The following MAGI3 variants were observed in gnomAD, a reference collection of about 807,000 sequenced individuals.
MAGI3 encodes the protein membrane associated guanylate kinase, WW and PDZ domain containing 3, also known as membrane-associated guanylate kinase, WW and PDZ domain-containing protein 3.
Under a neutral mutation model 121.8 loss-of-function variants are expected in MAGI3, and 43 were observed. The observed-to-expected ratio is 0.35, with a 90% CI of 0.28 to 0.46. The LOEUF is 0.46. MAGI3 is among the 20% of genes least tolerant of loss of function. The probability of loss-of-function intolerance (pLI) is 1.00; values close to 1 mark genes in which losing one functional copy is unlikely to be tolerated. For missense variants in MAGI3, 1,547 were observed against 1,797.3 expected, an observed-to-expected ratio of 0.86 and a Z score of 2.52; for synonymous variants, 553 against 639.3, an observed-to-expected ratio of 0.86 and a Z score of 2.04.
Position 113,447,194 on chromosome 1 carries a change from C to A in MAGI3, c.316+55845C>A, listed in dbSNP as rs183081548. 1.5e-4 allele frequency among the ~76,000 whole-genome samples: 23 copies of A among 152,280 alleles called. No individual in the cohort carries two copies. In the East Asian group the frequency reaches 4.4e-3, roughly 29 times the overall value. ...AACTATGACAGTCTATTTTGTGCTG[C>A]TGTAACAGAAAACCTGAGATTAGGT... is the stretch of plus-strand genomic sequence containing the variant. On this transcript the variant is annotated intron_variant, in intron 1 of 20. Transcript: ENST00000307546.
intron 1 of MAGI3, among the ~76,000 whole-genome samples, chr1:113,514,335 T>C (rs1404443265): frequency 1.3e-5 from 2 of 152,196 alleles, no homozygotes; most frequent in East Asian, 3.9e-4. Flanking sequence ...TGTATGTTTA[T>C]TGCAGCACTA....
intron 20 of MAGI3, chr1:113,682,383 T>C: frequency 6.7e-7 from 1 of 1,489,016 alleles, no homozygotes. Context: ...TACATCTATT[T>C]CTATCTTCTG....
chr1:113,445,249 A>G (rs1390206796), intron 1 of MAGI3, among the ~76,000 whole-genome samples: 1 of 152,148 alleles, frequency 6.6e-6, no homozygotes, highest in African/African-American at 2.4e-5. Context: ...TAAACATCCA[A>G]AAAGTTCAAT....
intron 12 of MAGI3, among the ~76,000 whole-genome samples, chr1:113,647,369 TTGTGTTTTAGA>T (rs1652910690): frequency 6.6e-6 from 1 of 152,104 alleles, no homozygotes; most frequent in Non-Finnish European, 1.5e-5. Flanking sequence ...AGGCATAGTT[TTGTGTTTTAGA>T]AAGGTTTTTC....
intron 1 of MAGI3, among the ~76,000 whole-genome samples, chr1:113,467,117 C>T (rs533085749): frequency 6.6e-6 from 1 of 152,014 alleles, no homozygotes; most frequent in South Asian, 2.1e-4. Flanking sequence ...TTTGTTGTAT[C>T]CCATACGTTT....
chr1:113,589,451 G>A (rs12739970), intron 4 of MAGI3, among the ~76,000 whole-genome samples: 36,575 of 151,856 alleles, frequency 0.24, 4,881 homozygotes, highest in South Asian at 0.39. Context: ...TTCTGATTTA[G>A]CCAGGCAGTA....
chr1:113,421,417 T>G (rs1570651287), intron 1 of MAGI3, among the ~76,000 whole-genome samples: 1 of 152,332 alleles, frequency 6.6e-6, no homozygotes, highest in African/African-American at 2.4e-5. Context: ...CATCTAACTC[T>G]CTGCTTTAAA....
chr1:113,526,608 T>A (rs1255096932), intron 1 of MAGI3, among the ~76,000 whole-genome samples: 1 of 152,196 alleles, frequency 6.6e-6, no homozygotes, highest in Non-Finnish European at 1.5e-5. Flanking sequence ...ATTTGAAGGC[T>A]ACTCTTAGCT....
At chr1:113,493,132 T>C (rs1656747088) in intron 1 of MAGI3, among the ~76,000 whole-genome samples, 1 of 152,154 alleles carries the variant, frequency 6.6e-6, no homozygotes, top group South Asian at 2.1e-4. Flanking sequence ...GCTACCTGAC[T>C]TAAAACCGTA....
intron 9 of MAGI3, among the ~76,000 whole-genome samples, chr1:113,635,042 A>G (rs912102956): frequency 1.3e-5 from 2 of 151,962 alleles, no homozygotes; most frequent in African/African-American, 2.4e-5. Context: ...TTTGTCTGTT[A>G]TTGGTGTATA....
chr1:113,677,889 A>C (rs1288444178), intron 19 of MAGI3, among the ~76,000 whole-genome samples: 1 of 152,206 alleles, frequency 6.6e-6, no homozygotes, highest in African/African-American at 2.4e-5. Context: ...AAAATGTTAA[A>C]AGGATGTTTA....
chr1:113,659,998 C>T (rs920108949), intron 16 of MAGI3, among the ~76,000 whole-genome samples: 2 of 152,092 alleles, frequency 1.3e-5, no homozygotes, highest in East Asian at 1.9e-4. Flanking sequence ...GTTAAAATTC[C>T]TCATACTATA....
At chr1:113,430,908 A>C (rs1653269033) in intron 1 of MAGI3, among the ~76,000 whole-genome samples, 1 of 152,232 alleles carries the variant, frequency 6.6e-6, no homozygotes, top group Non-Finnish European at 1.5e-5. Context: ...TTTTTCTGAT[A>C]ATATGGCTCA....
intron 16 of MAGI3, among the ~76,000 whole-genome samples, chr1:113,661,535 GA>G (rs1160184506): frequency 2.6e-5 from 4 of 151,572 alleles, no homozygotes; most frequent in African/African-American, 9.7e-5. Context: ...AGATTGTTAG[GA>G]AAAAAAACTA....
At position 113,590,560 on chromosome 1, in the gene MAGI3, G is replaced by A; in HGVS notation, c.840G>A (p.Met280Ile). Residue 280 changes from methionine (M) to isoleucine (I), a missense_variant, in exon 5 of 21, where the codon ATG (methionine) becomes ATA (isoleucine). Physicochemically the swap from Met to Ile is conservative, Grantham distance 10. Transcript: ENST00000307546. ...VPSYNQTNSS[M>I]DFRNYMMRDE... The stretch of plus-strand genomic sequence containing the variant: ...GTTACAACCAAACAAATAGCTCCAT[G>A]GACTTTAGAAATTATATGATGAGAG... The A allele has an allele frequency of 6.2e-7, 1 of 1,613,726 alleles. No individual in the cohort carries two copies.
intron 2 of MAGI3, among the ~76,000 whole-genome samples, chr1:113,575,087 G>A (rs1225274709): frequency 4.6e-5 from 7 of 152,060 alleles, no homozygotes; most frequent in African/African-American, 1.2e-4. Context: ...AGCAGTTCCT[G>A]TAACCTTTTA....
intron 16 of MAGI3, among the ~76,000 whole-genome samples, chr1:113,665,146 A>T (rs192220298): frequency 1.9e-3 from 291 of 152,232 alleles, no homozygotes; most frequent in Admixed American, 3.9e-3. Flanking sequence ...TCTTTAATCC[A>T]TCTGGAGCCT....
intron 1 of MAGI3, among the ~76,000 whole-genome samples, chr1:113,510,594 C>T (rs947156711): frequency 5.3e-5 from 8 of 152,162 alleles, no homozygotes; most frequent in Admixed American, 2.0e-4. Context: ...TTCTCTTTCA[C>T]GCTGTTGCCA....
chr1:113,416,028 GAC>G (rs982530155), intron 1 of MAGI3, among the ~76,000 whole-genome samples: 16 of 124,500 alleles, frequency 1.3e-4, no homozygotes, highest in African/African-American at 3.7e-4. Context: ...TGTAATTAAT[GAC>G]ACATATTAAT....
Sources: allele counts gnomAD v4.1 joint callset (sites outside exome capture counted in the v4.1 genomes callset), GRCh38; gene constraint gnomAD v4.1.1; transcripts MANE v1.5; gene names NCBI Gene and HGNC (gene_info 2026-07-23, HGNC 2026-07-21).